INTS1: variants seen among roughly 807,000 people sequenced by gnomAD.
INTS1 encodes integrator complex subunit 1.
Under a neutral mutation model 241.6 loss-of-function variants are expected in INTS1, and 137 were observed. The observed-to-expected ratio is 0.57, with a 90% CI of 0.49 to 0.65. The LOEUF is 0.65. INTS1 is among the 30% of genes least tolerant of loss of function. The pLI is 0.00. For missense variants in INTS1, 3,073 were observed against 3,032.2 expected (o/e 1.01, Z -0.32); for synonymous variants, 1,692 against 1,337.8 (o/e 1.26, Z -5.78).
At chr7:1,487,615 G>A (rs1782335306) in intron 19 of INTS1, 145 bp downstream of exon 19, 1 of 1,270,618 alleles carries the variant, frequency 7.9e-7, no homozygotes, top group Admixed American at 2.0e-5. Flanking sequence ...GTAAGCCAGG[G>A]ACGCGGGGAC....
rs553447758 is a variant in INTS1 at position 1,474,784 on chromosome 7, G to A, written c.5557C>T (p.Arg1853Trp). Reference sequence around the variant, plus strand: ...TCCGCCCCTCGGTTCTCCAACGCCCGGGAGTCGCTGGTGTCCGCAAGGAGC... The same window carrying A: ...TCCGCCCCTCGGTTCTCCAACGCCCAGGAGTCGCTGGTGTCCGCAAGGAGC... Reference protein sequence around the residue: ...ITLLADTSDSRALENRGADAS... With the variant: ...ITLLADTSDSWALENRGADAS... Residue 1853 changes from arginine (R) to tryptophan (W), a missense_variant, in exon 40 of 48, where the codon CGG becomes TGG. Transcript: ENST00000404767. 58 of 1,582,628 alleles carry A rather than the reference G, an allele frequency of 3.7e-5. 1 individual carries two copies. The highest frequency in any genetic ancestry group is 9.3e-5 in the South Asian group (8 of 86,298).
Position 1,499,426 on chromosome 7 carries a change from C to T in INTS1, c.844+47G>A, listed in dbSNP as rs760509933. On this transcript the variant is annotated intron_variant, in intron 6 of 47. Transcript: ENST00000404767. The stretch of plus-strand genomic sequence containing the variant: ...CGCCCATCCTCCCACCCCTCCCCTG[C>T]CCTGGGGCTTGGACACCCGCCCTCT... 2.4e-4 allele frequency: 366 copies of T among 1,557,116 alleles called. No individual in the cohort carries two copies. In the African/African-American group the frequency reaches 4.4e-3, roughly 19 times the overall value.
chr7:1,485,687 C>T (rs533541150), intron 22 of INTS1, among the ~76,000 whole-genome samples: 5 of 152,242 alleles, frequency 3.3e-5, no homozygotes, highest in Admixed American at 6.5e-5. Context: ...ACCCTCCCGT[C>T]ACCAGCAAGA....
rs202023122 is a variant in INTS1 at position 1,476,887 on chromosome 7, C to A, written c.4970G>T (p.Arg1657Leu). ...CGTGAAGAGGGTCAGGAGGTAGGGA[C>A]GGAACGAGGGCACCTGGGCCTGACC... ...GKGQAQVPSFRPYLLTLFTHQ... is the reference protein window; with the variant it reads ...GKGQAQVPSFLPYLLTLFTHQ... The change falls in exon 36 of 48, where the codon CGT (arginine) becomes CTT (leucine). Residue 1657 changes from arginine (R) to leucine (L), a missense_variant. Coordinates refer to ENST00000404767, the MANE Select transcript of INTS1 (RefSeq NM_001080453.3). 1.1e-5 allele frequency: 18 copies of A among 1,612,150 alleles called. No homozygotes were observed. Among genetic ancestry groups the A allele is most frequent in the Non-Finnish European group, 1.5e-5 (18 of 1,179,704 alleles).
chr7:1,471,131 A>AC lies in INTS1; in HGVS notation c.6347+1dup. 1.3e-6 allele frequency: 2 copies of AC among 1,564,436 alleles called. No individual in the cohort carries two copies. Among genetic ancestry groups the AC allele is most frequent in the Non-Finnish European group, 1.7e-6 (2 of 1,155,672 alleles). On this transcript the variant is annotated splice_donor_variant, in intron 46 of 47. Coordinates refer to ENST00000404767, the MANE Select transcript of INTS1 (RefSeq NM_001080453.3). LOFTEE classifies it high-confidence loss of function. ...CGGGACAGAGGCCGGCGGTGGCCTC[A>AC]CCTGGGGCTGTTCTGCATGGAGCGC...
At chr7:1,492,390 C>T (rs942806733) in intron 16 of INTS1, among the ~76,000 whole-genome samples, 2 of 152,174 alleles carry the variant, frequency 1.3e-5, no homozygotes, top group African/African-American at 4.8e-5. Flanking sequence ...CCAAAAGGGC[C>T]GCTCTACAGA....
intron 35 of INTS1, 87 bp from the exon 36 acceptor site, chr7:1,477,005 C>G: frequency 6.7e-7 from 1 of 1,485,176 alleles, no homozygotes; most frequent in Non-Finnish European, 9.0e-7. Context: ...CCCAATGAGC[C>G]ACTCAGAGAG....
chr7:1,474,464 G>GC (rs1781620131), intron 40 of INTS1, 104 bp from the exon 41 acceptor site: 5 of 1,238,766 alleles, frequency 4.0e-6, no homozygotes, highest in Admixed American at 2.9e-5. Context: ...ACCCCGTGCT[G>GC]CCCCCCAACC....
chr7:1,493,003 G>C lies in INTS1; in HGVS notation c.2165+7C>G. The C allele has an allele frequency of 6.2e-7, 1 of 1,609,772 alleles. No individual in the cohort carries two copies. Among genetic ancestry groups the C allele is most frequent in the Non-Finnish European group, 8.5e-7 (1 of 1,176,822 alleles). On this transcript the variant is annotated splice_region_variant and intron_variant, in intron 16 of 47. Transcript: ENST00000404767. This position sits in a 1 kb window ranked among gnomAD's most constrained non-coding sequence, Gnocchi z 5.3. ...GGGCGGGAGTGGGGAGCGGGGCGTG[G>C]GCTTACCCCGGTGGGAGCTGGATGT...
intron 39 of INTS1, 104 bp downstream of exon 39, chr7:1,475,844 G>A: frequency 5.8e-6 from 8 of 1,387,598 alleles, no homozygotes; most frequent in Non-Finnish European, 7.7e-6. Context: ...AGGGGCAAGA[G>A]GGGTAGCCGG....
At position 1,499,137 on chromosome 7, in the gene INTS1, C is replaced by T. The variant is rs775182695; in HGVS notation, c.975G>A (p.Val325=). ...GCAGCATGTCCAGGACATACTCCTC[C>T]ACGCTCTCCGCGAGCTCTTCGTACC... The part of the protein sequence containing the change: ...MPRYEELAES[V]EEYVLDMLRD... The change falls in exon 8 of 48, where the codon GTG becomes GTA. Residue 325 remains valine (V), a synonymous_variant. Transcript: ENST00000404767. 6.2e-7 allele frequency: 1 copy of T among 1,611,126 alleles called. No individual in the cohort carries two copies. The highest frequency in any genetic ancestry group is 1.7e-5 in the Admixed American group (1 of 59,970).
Position 1,485,211 on chromosome 7 carries a change from G to A in INTS1, c.3157-9C>T, listed in dbSNP as rs1476264402. ...GTCTCCATGTGGATTGCCTGGAGGG[G>A]AGGGTGGTCTGAGCGGCAACAGGGC... On this transcript the variant is annotated splice_polypyrimidine_tract_variant and intron_variant, in intron 23 of 47. Transcript: ENST00000404767. 6.3e-6 allele frequency: 10 copies of A among 1,599,680 alleles called. No individual in the cohort carries two copies. The highest frequency in any genetic ancestry group is 7.6e-6 in the Non-Finnish European group (9 of 1,178,912).
chr7:1,478,609 C>G (rs566012931), intron 32 of INTS1, 103 bp from the exon 33 acceptor site: 1 of 1,497,540 alleles, frequency 6.7e-7, no homozygotes, highest in Non-Finnish European at 9.0e-7. Context: ...TGGGCCCACG[C>G]GGGTACCCAC....
Position 1,487,384 on chromosome 7 carries a change from C to T in INTS1, c.2582G>A (p.Arg861His), listed in dbSNP as rs749696738. The stretch of plus-strand genomic sequence containing the variant: ...GCTGCGGCACAAGAGGTGCCCGAGG[C>T]GGAGGGACTGGTTGAGGCTTTTCAC... ...DQVKSLNQSL[R>H]LGHLLCRSRN... The change falls in exon 20 of 48, where the codon CGC becomes CAC. Residue 861 changes from arginine (R) to histidine (H), a missense_variant. Transcript: ENST00000404767. The T allele has an allele frequency of 3.7e-6, 6 of 1,611,570 alleles. No homozygotes were observed. The highest frequency in any genetic ancestry group is 1.3e-5 in the African/African-American group (1 of 75,038).
intron 35 of INTS1, 50 bp downstream of exon 35, chr7:1,477,500 G>A: frequency 1.4e-6 from 2 of 1,459,728 alleles, no homozygotes; most frequent in Non-Finnish European, 1.8e-6. Context: ...AGGTCAGGAA[G>A]AGCCTTTACC....
rs561535237 is a variant in INTS1, at chr7:1,493,740, T to C, written c.2068+14A>G. 5 of 1,568,026 alleles carry C rather than the reference T, an allele frequency of 3.2e-6. No individual in the cohort carries two copies. The Admixed American group carries it at 9.4e-5, about 29-fold the overall frequency. ...CAGACCCAGCACAGGCGCCATCCCC[T>C]GCAGAAGCCATACCATCCGCCTGCA... On this transcript the variant is annotated intron_variant, in intron 15 of 47. Coordinates refer to ENST00000404767, the MANE Select transcript of INTS1 (RefSeq NM_001080453.3). This position sits in a 1 kb window ranked among gnomAD's most constrained non-coding sequence, Gnocchi z 5.3.
intron 39 of INTS1, 47 bp from the exon 40 acceptor site, chr7:1,474,885 T>C: frequency 6.5e-7 from 1 of 1,538,664 alleles, no homozygotes; most frequent in Non-Finnish European, 8.8e-7. Context: ...CTCCCCTCAC[T>C]TGCCCACCCA....
chr7:1,482,320 A>G, intron 27 of INTS1: 1 of 431,264 alleles, frequency 2.3e-6, no homozygotes, highest in East Asian at 3.4e-5. Context: ...TGAGCCTGAC[A>G]GTAAGACCCT....
chr7:1,480,152 T>C (rs1428853725), intron 30 of INTS1, among the ~76,000 whole-genome samples, 165 bp downstream of exon 30: 1 of 152,244 alleles, frequency 6.6e-6, no homozygotes, highest in Non-Finnish European at 1.5e-5. Flanking sequence ...GAAAGCAGCG[T>C]GCCAGGGTCA....
Sources: allele counts gnomAD v4.1 joint callset (sites outside exome capture counted in the v4.1 genomes callset), GRCh38; gene constraint gnomAD v4.1.1; non-coding constraint Gnocchi (gnomAD v3.1); transcripts MANE v1.5; gene names NCBI Gene and HGNC (gene_info 2026-07-23, HGNC 2026-07-21).